The following AK5 variants were observed in gnomAD, a reference collection of about 807,000 sequenced individuals.
The protein encoded by AK5 is adenylate kinase 5.
In AK5, 27 loss-of-function variants were observed where a neutral mutation model predicts 69.5. That is an observed-to-expected ratio of 0.39 (90% CI 0.29 to 0.54). The LOEUF (loss-of-function observed/expected upper bound fraction) is 0.54, where lower values mean the gene tolerates loss of function less well. Ranked by LOEUF, AK5 falls within the 20% of genes least tolerant of loss-of-function variation. The probability of loss-of-function intolerance (pLI) is 0.71; values close to 1 mark genes in which losing one functional copy is unlikely to be tolerated. For synonymous variants in AK5, 260 were observed against 244.4 expected, an observed-to-expected ratio of 1.06 and a Z score of -0.60; for missense variants, 531 against 700.4, an observed-to-expected ratio of 0.76 and a Z score of 2.73.
chr1:77,425,442 C>G (rs545470826), intron 8 of AK5, among the ~76,000 whole-genome samples: 6 of 152,078 alleles, frequency 3.9e-5, no homozygotes, highest in Admixed American at 3.9e-4. Flanking sequence ...AAAAAATTGG[C>G]CGGGTATGGT....
At chr1:77,374,914 A>G (rs1384714668) in intron 6 of AK5, among the ~76,000 whole-genome samples, 3 of 152,144 alleles carry the variant, frequency 2.0e-5, no homozygotes, top group Admixed American at 2.0e-4. Context: ...TTATATTAGT[A>G]AATGCATTCT....
At chr1:77,523,715 C>T (rs572091292) in intron 12 of AK5, among the ~76,000 whole-genome samples, 19 of 152,062 alleles carry the variant, frequency 1.2e-4, no homozygotes, top group Admixed American at 1.2e-3. Flanking sequence ...CCCTGTTGCC[C>T]TGGCTGGAGT....
chr1:77,445,659 A>G (rs1652703677), intron 8 of AK5, among the ~76,000 whole-genome samples: 1 of 152,168 alleles, frequency 6.6e-6, no homozygotes, highest in African/African-American at 2.4e-5. Context: ...ATCTCAGCTC[A>G]CTGCAACCTC....
intron 8 of AK5, among the ~76,000 whole-genome samples, chr1:77,429,705 C>T (rs529189797): frequency 1.7e-4 from 26 of 152,214 alleles, no homozygotes; most frequent in Admixed American, 8.5e-4. Flanking sequence ...GTGATCCGCC[C>T]GCCTCGGCCT....
chr1:77,542,783 G>GT (rs1659344589), intron 13 of AK5, among the ~76,000 whole-genome samples: 2 of 151,622 alleles, frequency 1.3e-5, no homozygotes, highest in African/African-American at 2.4e-5. Flanking sequence ...CGTACATTTT[G>GT]GTTTTTTTCC....
At chr1:77,308,648 G>A (rs1161945658) in intron 5 of AK5, among the ~76,000 whole-genome samples, 2 of 152,000 alleles carry the variant, frequency 1.3e-5, no homozygotes, top group Non-Finnish European at 2.9e-5. Context: ...ATAGAATTTC[G>A]TATTTCATGG....
chr1:77,289,533 G>T lies in AK5; in HGVS notation c.247+2406G>T, dbSNP rs1658559616. On this transcript the variant is annotated intron_variant, in intron 2 of 13. Coordinates refer to ENST00000354567, the MANE Select transcript of AK5 (RefSeq NM_174858.3). Reference sequence around the variant, plus strand: ...TATACATTTTAAAAATTAAATCTAAGAAGTTATGACATCTACTTAGTCGGA... The same window carrying T: ...TATACATTTTAAAAATTAAATCTAATAAGTTATGACATCTACTTAGTCGGA... 1.3e-5 allele frequency among the ~76,000 whole-genome samples: 2 copies of T among 152,030 alleles called. 1 individual carries two copies. The highest frequency in any genetic ancestry group is 2.9e-5 in the Non-Finnish European group (2 of 68,010).
intron 2 of AK5, among the ~76,000 whole-genome samples, chr1:77,292,337 T>G (rs1228782176): frequency 6.6e-6 from 1 of 152,222 alleles, no homozygotes; most frequent in Non-Finnish European, 1.5e-5. Context: ...GACTACCCAG[T>G]GCTTTTCATG....
At chr1:77,298,301 C>T (rs1659126054) in intron 5 of AK5, among the ~76,000 whole-genome samples, 1 of 152,014 alleles carries the variant, frequency 6.6e-6, no homozygotes, top group South Asian at 2.1e-4. Context: ...TTACCCTGTA[C>T]TTATATTCAT....
intron 6 of AK5, among the ~76,000 whole-genome samples, chr1:77,359,672 G>A (rs138453148): frequency 1.3e-5 from 2 of 152,192 alleles, no homozygotes; most frequent in Admixed American, 1.3e-4. Context: ...TATGGTATCT[G>A]CAGGAAACCA....
intron 6 of AK5, among the ~76,000 whole-genome samples, chr1:77,400,881 T>C (rs904358394): frequency 2.7e-5 from 4 of 150,480 alleles, no homozygotes; most frequent in African/African-American, 9.8e-5. Flanking sequence ...ATACCAATCA[T>C]GTCTGTTTTT....
intron 8 of AK5, among the ~76,000 whole-genome samples, chr1:77,457,243 A>G (rs974573269): frequency 6.6e-6 from 1 of 152,144 alleles, no homozygotes; most frequent in African/African-American, 2.4e-5. Flanking sequence ...ATCTTCTTTC[A>G]TTCACTGGGC....
intron 8 of AK5, among the ~76,000 whole-genome samples, chr1:77,444,165 C>T (rs1652519002): frequency 8.0e-6 from 1 of 125,302 alleles, no homozygotes; most frequent in Non-Finnish European, 1.6e-5. Context: ...CTCTCTCTCA[C>T]TCTCTCTCTA....
chr1:77,379,931 T>G (rs907961574), intron 6 of AK5, among the ~76,000 whole-genome samples: 2 of 152,336 alleles, frequency 1.3e-5, no homozygotes, highest in East Asian at 3.9e-4. Context: ...TTATTTATTG[T>G]AAGAAGGCTG....
chr1:77,405,130 G>A (rs549598232), intron 6 of AK5, among the ~76,000 whole-genome samples: 6 of 152,310 alleles, frequency 3.9e-5, no homozygotes, highest in South Asian at 2.1e-4. Context: ...TCTCTCAGCC[G>A]TAGGGTCTCA....
At chr1:77,390,217 A>G (rs1648331856) in intron 6 of AK5, among the ~76,000 whole-genome samples, 1 of 152,240 alleles carries the variant, frequency 6.6e-6, no homozygotes, top group Non-Finnish European at 1.5e-5. Flanking sequence ...AGGTAAAATC[A>G]GTTATGTTTA....
At chr1:77,426,705 A>T (rs1651232731) in intron 8 of AK5, among the ~76,000 whole-genome samples, 1 of 152,238 alleles carries the variant, frequency 6.6e-6, no homozygotes. Flanking sequence ...TCTCAAGCTC[A>T]CATGGAATAT....
At chr1:77,552,098 G>A (rs1659850117) in intron 13 of AK5, among the ~76,000 whole-genome samples, 2 of 152,048 alleles carry the variant, frequency 1.3e-5, no homozygotes, top group African/African-American at 2.4e-5. Context: ...TATCTGATTG[G>A]GGTGCTCATC....
chr1:77,480,618 G>A (rs1341383031), intron 8 of AK5, among the ~76,000 whole-genome samples: 1 of 152,018 alleles, frequency 6.6e-6, no homozygotes, highest in African/African-American at 2.4e-5. Flanking sequence ...AAAAATTGAG[G>A]GAGAGGACTC....
Sources: gnomAD v4.1 joint callset for allele counts (sites outside exome capture counted in the v4.1 genomes callset) on GRCh38, gnomAD v4.1.1 for gene constraint, MANE v1.5 for transcripts, NCBI Gene and HGNC (gene_info 2026-07-23, HGNC 2026-07-21) for gene names.